Variants in GSE1 observed in about 807,000 individuals in gnomAD.
The protein encoded by GSE1 is genetic suppressor element 1.
GSE1 carries 32 observed loss-of-function variants against 112.6 expected under a neutral mutation model. The observed-to-expected ratio is 0.28, with a 90% CI of 0.21 to 0.38. The LOEUF is 0.38. GSE1 is among the 10% of genes least tolerant of loss of function. The probability of loss-of-function intolerance (pLI) is 1.00; values close to 1 mark genes in which losing one functional copy is unlikely to be tolerated. For synonymous variants in GSE1, 1,115 were observed against 735.6 expected (o/e 1.52, Z -8.35); for missense variants, 2,348 against 1,699.2 (o/e 1.38, Z -6.71).
chr16:85,511,271 A>T (rs1439648808), intron 2 of GSE1, among the ~76,000 whole-genome samples: 2 of 152,230 alleles, frequency 1.3e-5, no homozygotes, highest in Non-Finnish European at 2.9e-5. Context: ...TCACGCCTGT[A>T]ATCCCAGCAC....
chr16:85,349,146 C>T (rs1280313338), intron 1 of GSE1, among the ~76,000 whole-genome samples: 1 of 152,178 alleles, frequency 6.6e-6, no homozygotes, highest in Non-Finnish European at 1.5e-5. Context: ...TACACCCGGT[C>T]GCCAGCGCAC....
At chr16:85,555,709 G>A (rs1167186075), upstream of GSE1, 3 of 945,764 alleles carry the variant, frequency 3.2e-6, no homozygotes, top group Admixed American at 8.7e-5. Context: ...GGTTCTGAAC[G>A]TGAAACCCTG....
intron 1 of GSE1, among the ~76,000 whole-genome samples, chr16:85,182,877 C>A (rs555899465): frequency 1.3e-5 from 2 of 152,228 alleles, no homozygotes; most frequent in South Asian, 4.1e-4. Flanking sequence ...CCCACACACC[C>A]CAGCACACCC....
intron 2 of GSE1, among the ~76,000 whole-genome samples, chr16:85,521,146 T>C (rs2151153618): frequency 6.6e-6 from 1 of 152,220 alleles, no homozygotes; most frequent in African/African-American, 2.4e-5. Flanking sequence ...CTGGGAGGCC[T>C]TGGACTCCTG....
intron 2 of GSE1, among the ~76,000 whole-genome samples, chr16:85,546,920 C>T (rs1483288439): frequency 6.6e-6 from 1 of 152,210 alleles, no homozygotes. Context: ...GGCAGATGGC[C>T]ACGTCCGATG....
chr16:85,172,766 G>T (rs556884273), intron 1 of GSE1, among the ~76,000 whole-genome samples: 3 of 152,148 alleles, frequency 2.0e-5, no homozygotes, highest in Non-Finnish European at 4.4e-5. Flanking sequence ...TGGCGCTGTC[G>T]TGTTCAGAAA....
At chr16:85,486,647 A>C (rs145043897) in intron 2 of GSE1, among the ~76,000 whole-genome samples, 146 of 151,104 alleles carry the variant, frequency 9.7e-4, no homozygotes, top group African/African-American at 3.3e-3. Flanking sequence ...GCCTCGTCCC[A>C]CTCCTGCCCT....
intron 1 of GSE1, among the ~76,000 whole-genome samples, chr16:85,192,774 G>C (rs547521510): frequency 6.6e-6 from 1 of 152,316 alleles, no homozygotes; most frequent in African/African-American, 2.4e-5. Flanking sequence ...TGGCTTCCCT[G>C]GGCCAGCTGT....
intron 1 of GSE1, among the ~76,000 whole-genome samples, chr16:85,565,875 T>C (rs1440417464): frequency 6.6e-6 from 1 of 152,170 alleles, no homozygotes; most frequent in Non-Finnish European, 1.5e-5. Flanking sequence ...TCCCCGGGTG[T>C]CCTTGCCAGT....
At chr16:85,279,860 C>T (rs1222518563) in intron 1 of GSE1, among the ~76,000 whole-genome samples, 3 of 152,160 alleles carry the variant, frequency 2.0e-5, no homozygotes, top group Admixed American at 6.5e-5. Flanking sequence ...GCCCATTTCC[C>T]GGTGGAAGGA....
intron 2 of GSE1, among the ~76,000 whole-genome samples, chr16:85,410,381 C>T (rs1277349512): frequency 2.2e-5 from 1 of 44,738 alleles, no homozygotes; most frequent in Non-Finnish European, 4.0e-5. Flanking sequence ...ATAATCCTCA[C>T]TTTTACACTC....
chr16:85,387,423 C>A (rs895969438), intron 2 of GSE1, among the ~76,000 whole-genome samples: 3 of 152,226 alleles, frequency 2.0e-5, no homozygotes, highest in Admixed American at 2.0e-4. Context: ...GTGGTCCTGC[C>A]CCAGGGCCTT....
Position 85,636,569 on chromosome 16 carries a change from G to A in GSE1, c.226+2437G>A, listed in dbSNP as rs183402036. Reference sequence around the variant, plus strand: ...CGTTTCCCCGTCCATGGAACTGGCCGGCAGCCCTCCCGGGACCCTCGGGCA... The same window carrying A: ...CGTTTCCCCGTCCATGGAACTGGCCAGCAGCCCTCCCGGGACCCTCGGGCA... On this transcript the variant is annotated intron_variant, in intron 2 of 15. Transcript: ENST00000253458. 5.3e-3 allele frequency among the ~76,000 whole-genome samples: 813 copies of A among 152,304 alleles called. 8 individuals are homozygous for A. Among genetic ancestry groups the A allele is most frequent in the African/African-American group, 0.019 (782 of 41,558 alleles).
intron 1 of GSE1, among the ~76,000 whole-genome samples, chr16:85,258,679 A>C (rs1907340290): frequency 6.6e-6 from 1 of 151,914 alleles, no homozygotes. Flanking sequence ...TCGGGCCTGG[A>C]GGGGTTCCCA....
intron 1 of GSE1, among the ~76,000 whole-genome samples, chr16:85,248,902 G>A (rs1348021013): frequency 6.6e-6 from 1 of 152,190 alleles, no homozygotes; most frequent in Non-Finnish European, 1.5e-5. Flanking sequence ...GGGCACCCCC[G>A]TGGAGTTAGT....
intron 10 of GSE1, 52 bp downstream of exon 10, chr16:85,663,145 A>G: frequency 7.4e-7 from 1 of 1,348,966 alleles, no homozygotes; most frequent in Non-Finnish European, 1.1e-6. Flanking sequence ...TCTCGTTCCT[A>G]GCGTCCACAC....
At chr16:85,427,459 T>C (rs991842630) in intron 2 of GSE1, among the ~76,000 whole-genome samples, 1 of 152,172 alleles carries the variant, frequency 6.6e-6, no homozygotes, top group African/African-American at 2.4e-5. Context: ...CTAGGCAACA[T>C]GGTGAAACCC....
At position 85,662,742 on chromosome 16, in the gene GSE1, G is replaced by A. The variant is rs544617475; in HGVS notation, c.2261-239G>A. The A allele has an allele frequency of 1.1e-4, 60 of 523,932 alleles. No homozygotes were observed. In the East Asian group the frequency reaches 1.9e-3, roughly 17 times the overall value. The allele number at this position is 523,932 out of a possible 1,614,324, so 32.5% of individuals were successfully genotyped here. A position where few individuals can be genotyped will look rare whatever the true frequency, so the allele number is the denominator to read the frequency against. ...GGAGGGAGGTCTTGTCAGCCCAGGG[G>A]ACCACCCAGCTACTGGGAGCCATGG... is the stretch of plus-strand genomic sequence containing the variant. On this transcript the variant is annotated intron_variant, in intron 9 of 15. Transcript: ENST00000253458.
chr16:85,494,007 C>T (rs772564669), intron 2 of GSE1, among the ~76,000 whole-genome samples: 11 of 152,156 alleles, frequency 7.2e-5, no homozygotes, highest in Non-Finnish European at 1.0e-4. Context: ...TCGCTTGGGC[C>T]CAGGAGTTTG....
Sources: allele counts gnomAD v4.1 joint callset (sites outside exome capture counted in the v4.1 genomes callset), GRCh38; gene constraint gnomAD v4.1.1; transcripts MANE v1.5; gene names NCBI Gene and HGNC (gene_info 2026-07-23, HGNC 2026-07-21).